The following TTLL3 variants were observed in gnomAD, a reference collection of about 807,000 sequenced individuals.
TTLL3 encodes the protein tubulin monoglycylase TTLL3.
A neutral mutation model predicts 75.2 loss-of-function variants in TTLL3; 63 were observed. The ratio of observed to expected loss-of-function variants is 0.84; its 90% confidence interval spans 0.68 to 1.03. The LOEUF is 1.03. Among genes scored for constraint, TTLL3 ranks in the 50% least tolerant of loss-of-function variants. The probability of loss-of-function intolerance (pLI) is 0.00; values close to 1 mark genes in which losing one functional copy is unlikely to be tolerated. For synonymous variants in TTLL3, 393 were observed against 418.5 expected (o/e 0.94, Z 0.74); for missense variants, 997 against 1,069.9 (o/e 0.93, Z 0.95).
rs2125016405 is a variant in TTLL3, at chr3:9,836,351, A to G, written c.*862A>G. 1 of 152,264 alleles carries G rather than the reference A, an allele frequency of 6.6e-6. No individual in the cohort carries two copies. Among genetic ancestry groups the G allele is most frequent in the African/African-American group, 2.4e-5 (1 of 41,568 alleles). The allele number at this position is 152,264 out of a possible 1,614,324, so 9.4% of individuals were successfully genotyped here. ...GATGTAAATAAATTTAAGATCTTAAATGAGATAATCCCAATGACCAGTGTG... is the reference window on the plus strand; with the variant it reads ...GATGTAAATAAATTTAAGATCTTAAGTGAGATAATCCCAATGACCAGTGTG... On this transcript the variant is annotated 3_prime_UTR_variant, in exon 14 of 14. Coordinates refer to ENST00000685419, the MANE Select transcript of TTLL3 (RefSeq NM_001387446.1).
At chr3:9,823,797 T>G (rs1016071473) in intron 8 of TTLL3, among the ~76,000 whole-genome samples, 3 of 152,242 alleles carry the variant, frequency 2.0e-5, no homozygotes, top group African/African-American at 7.2e-5. Flanking sequence ...CAGAGTTAGC[T>G]TCCCCTGAAC....
At chr3:9,832,143 T>G (rs1369692356) in intron 11 of TTLL3, among the ~76,000 whole-genome samples, 2 of 136,876 alleles carry the variant, frequency 1.5e-5, no homozygotes, top group Non-Finnish European at 3.1e-5. Context: ...TGGAGTACAA[T>G]GGTGCGATCT....
chr3:9,827,875 C>CTCA (rs2081193050), intron 10 of TTLL3: 1 of 152,414 alleles, frequency 6.6e-6, no homozygotes, highest in Non-Finnish European at 1.5e-5. Context: ...GGCGCAGTGG[C>CTCA]TCATGCCTGT....
At position 9,826,066 on chromosome 3, in the gene TTLL3, G is replaced by C. The variant is rs1393740936; in HGVS notation, c.1003+118G>C. The C allele has an allele frequency of 2.8e-6, 4 of 1,454,040 alleles. No individual in the cohort carries two copies. In the African/African-American group the frequency reaches 4.3e-5, roughly 15 times the overall value. The allele number at this position is 1,454,040 out of a possible 1,614,324, so 90.1% of individuals were successfully genotyped here. On this transcript the variant is annotated intron_variant, in intron 9 of 13. Transcript: ENST00000685419. ...CCAAATTGCCTGGGTTTGAGTCCTA[G>C]CTCTGCTACTAATGTGCTTCGTGAC... is the stretch of plus-strand genomic sequence containing the variant.
intron 2 of TTLL3, among the ~76,000 whole-genome samples, chr3:9,812,472 G>A (rs904673728): frequency 1.3e-5 from 2 of 151,798 alleles, no homozygotes; most frequent in South Asian, 4.2e-4. Context: ...CCAAGATTGT[G>A]CCACTCCAGC....
At chr3:9,822,863 C>T (rs1280385977) in intron 8 of TTLL3, among the ~76,000 whole-genome samples, 2 of 146,516 alleles carry the variant, frequency 1.4e-5, no homozygotes, top group Non-Finnish European at 3.0e-5. Context: ...CCCGCCTTGG[C>T]CTCCCGAAGT....
chr3:9,819,381 C>A, intron 7 of TTLL3: 1 of 408,068 alleles, frequency 2.5e-6, no homozygotes, highest in Non-Finnish European at 3.4e-6. Flanking sequence ...AGACACTTGT[C>A]TTCCCATCCG....
At chr3:9,818,791 C>T in intron 6 of TTLL3, 31 bp from the exon 7 acceptor site, 1 of 1,613,850 alleles carries the variant, frequency 6.2e-7, no homozygotes, top group South Asian at 1.1e-5. Context: ...AGCCTAGGGG[C>T]TGAGCAGGGT....
At chr3:9,813,963 G>A (rs1020675007) in intron 4 of TTLL3, among the ~76,000 whole-genome samples, 11 of 152,028 alleles carry the variant, frequency 7.2e-5, no homozygotes, top group African/African-American at 2.2e-4. Context: ...CCCCTTCCCC[G>A]CTGCCCTTGG....
intron 2 of TTLL3, among the ~76,000 whole-genome samples, chr3:9,811,424 G>A (rs775407683): frequency 1.3e-5 from 2 of 152,116 alleles, no homozygotes; most frequent in South Asian, 2.1e-4. Context: ...TTCACCCACA[G>A]GTCTAATTCC....
rs974287438 is a variant in TTLL3 at position 9,810,692 on chromosome 3, G to C, written c.31G>C (p.Val11Leu). 1 of 1,587,636 alleles carries C rather than the reference G, an allele frequency of 6.3e-7. No individual in the cohort carries two copies. Among genetic ancestry groups the C allele is most frequent in the Non-Finnish European group, 8.6e-7 (1 of 1,167,528 alleles). Residue 11 changes from valine (V) to leucine (L), a missense_variant, in exon 2 of 14, where the codon GTG becomes CTG. Coordinates refer to ENST00000685419, the MANE Select transcript of TTLL3 (RefSeq NM_001387446.1). The surrounding 1 kb of genome is among the most constrained non-coding windows in gnomAD (Gnocchi z 4.4). MNRLRNAKIY[V>L]ERAVKQKKIF... Reference sequence around the variant, plus strand: ...CCGGCTCAGAAACGCCAAAATCTACGTGGAGAGAGCTGTCAAGGTCAGAGG... The same window carrying C: ...CCGGCTCAGAAACGCCAAAATCTACCTGGAGAGAGCTGTCAAGGTCAGAGG...
intron 12 of TTLL3, chr3:9,834,180 C>T (rs1248156257): frequency 8.8e-6 from 3 of 341,224 alleles, no homozygotes; most frequent in South Asian, 4.5e-5. Context: ...CACTCTGCCT[C>T]ACAGAGTGAC....
chr3:9,818,078 T>C (rs1408498830), intron 6 of TTLL3: 1 of 222,966 alleles, frequency 4.5e-6, no homozygotes, highest in Non-Finnish European at 8.8e-6. Flanking sequence ...TTTGTTGAAT[T>C]GGGTTCCAAA....
chr3:9,824,737 CTTTTTTTTT>C (rs71052207), intron 8 of TTLL3, among the ~76,000 whole-genome samples: 1 of 80,678 alleles, frequency 1.2e-5, no homozygotes. Flanking sequence ...CTTTTCTTTT[CTTTTTTTTT>C]TTTTTTTTTT....
chr3:9,810,354 C>T lies in TTLL3; in HGVS notation c.-82C>T. On this transcript the variant is annotated 5_prime_UTR_variant, in exon 1 of 14. Transcript: ENST00000685419. The surrounding 1 kb of genome is among the most constrained non-coding windows in gnomAD (Gnocchi z 4.4). ...GCGCCTCGGATACCCACCCCCTCGG[C>T]CCCCCGCACACCCCGGTCCTCGACC... 1 of 1,403,852 alleles carries T rather than the reference C, an allele frequency of 7.1e-7. No individual in the cohort carries two copies. Among genetic ancestry groups the T allele is most frequent in the Non-Finnish European group, 9.1e-7 (1 of 1,095,252 alleles). 87.0% of individuals were successfully genotyped at this position (1,403,852 alleles called of 1,614,324 possible).
At chr3:9,814,153 T>TA (rs985726317) in intron 4 of TTLL3, among the ~76,000 whole-genome samples, 8 of 149,744 alleles carry the variant, frequency 5.3e-5, no homozygotes, top group Admixed American at 1.3e-4. Context: ...AACAAACAAA[T>TA]AAAAAAACAA....
chr3:9,816,085 C>G lies in TTLL3; in HGVS notation c.327C>G (p.Val109=). The G allele has an allele frequency of 7.4e-7, 1 of 1,354,458 alleles. No individual in the cohort carries two copies. The highest frequency in any genetic ancestry group is 1.2e-5 in the South Asian group (1 of 84,940). The allele number at this position is 1,354,458 out of a possible 1,614,324, so 83.9% of individuals were successfully genotyped here. ...DGTHALMSRM[V]QNEIPYFIWT... ...TCCTGTCTCCCCAGTCCCGCATGGTCCAGAATGAGATCCCCTACTTCATCT... is the reference window on the plus strand; with the variant it reads ...TCCTGTCTCCCCAGTCCCGCATGGTGCAGAATGAGATCCCCTACTTCATCT... The change falls in exon 5 of 14, where the codon GTC becomes GTG. Residue 109 remains valine (V), a synonymous_variant. Coordinates refer to ENST00000685419, the MANE Select transcript of TTLL3 (RefSeq NM_001387446.1).
chr3:9,826,095 G>C (rs74687491), intron 9 of TTLL3, 147 bp downstream of exon 9: 53,855 of 1,359,670 alleles, frequency 0.04, 1,257 homozygotes, highest in Non-Finnish European at 0.045. Flanking sequence ...TCGTGACCTT[G>C]AGCAGGTTTT....
intron 12 of TTLL3, chr3:9,834,062 A>C (rs1160933438): frequency 4.3e-6 from 1 of 230,618 alleles, no homozygotes; most frequent in African/African-American, 2.4e-5. Context: ...CAGTGAGCCG[A>C]GATTGCACCA....
Sources: allele counts gnomAD v4.1 joint callset (sites outside exome capture counted in the v4.1 genomes callset), GRCh38; gene constraint gnomAD v4.1.1; non-coding constraint Gnocchi (gnomAD v3.1); transcripts MANE v1.5; gene names NCBI Gene and HGNC (gene_info 2026-07-23, HGNC 2026-07-21).